Variants in IL33 observed in about 807,000 individuals in gnomAD.
IL33 encodes interleukin 33.
A neutral mutation model predicts 27.3 loss-of-function variants in IL33; 37 were observed. The observed-to-expected ratio is 1.36, with a 90% confidence interval of 1.04 to 1.78. IL33 has a LOEUF of 1.78. Ranked by LOEUF, IL33 falls within the 40% of genes most tolerant of loss-of-function variation. IL33 has a pLI of 0.00. For missense variants in IL33, 406 were observed against 311.4 expected (o/e 1.30, Z -2.29); for synonymous variants, 132 against 102.9 (o/e 1.28, Z -1.71).
At chr9:6,220,906 G>A (rs184682618) in intron 1 of IL33, among the ~76,000 whole-genome samples, 45 of 152,056 alleles carry the variant, frequency 3.0e-4, no homozygotes, top group African/African-American at 1.1e-3. Context: ...GCCATGTGCT[G>A]CCTCACCTGG....
intron 2 of IL33, among the ~76,000 whole-genome samples, chr9:6,245,610 A>T (rs73639586): frequency 0.054 from 8,195 of 152,214 alleles, 716 homozygotes; most frequent in African/African-American, 0.18. Context: ...AATCTAAGGG[A>T]CTAATGATGA....
chr9:6,216,187 G>A (rs1175437418), intron 1 of IL33, among the ~76,000 whole-genome samples: 2 of 152,140 alleles, frequency 1.3e-5, no homozygotes, highest in African/African-American at 4.8e-5. Context: ...CTGGAGCACA[G>A]TGGCGTGATC....
chr9:6,244,300 T>A (rs939490311), intron 2 of IL33, among the ~76,000 whole-genome samples: 2 of 152,194 alleles, frequency 1.3e-5, no homozygotes, highest in East Asian at 3.9e-4. Flanking sequence ...CCTTAACAGA[T>A]CTTTCTTTCC....
chr9:6,254,085 T>C (rs1454223227), intron 6 of IL33, among the ~76,000 whole-genome samples: 3 of 152,160 alleles, frequency 2.0e-5, no homozygotes, highest in Non-Finnish European at 4.4e-5. Context: ...AGAACTCAGT[T>C]GTATTACTAC....
At position 6,254,176 on chromosome 9, in the gene IL33, G is replaced by A. The variant is rs960146122; in HGVS notation, c.521-286G>A. Among the ~76,000 whole-genome samples, 4 of 152,242 alleles carry A rather than the reference G, an allele frequency of 2.6e-5. No individual in the cohort carries two copies. In the South Asian group the frequency reaches 8.3e-4, roughly 32 times the overall value. Reference sequence around the variant, plus strand: ...ATGAATATTGGGTGACACTATGAGTGGCTTTACATGCAGACAGGAAAGCTG... The same window carrying A: ...ATGAATATTGGGTGACACTATGAGTAGCTTTACATGCAGACAGGAAAGCTG... On this transcript the variant is annotated intron_variant, in intron 6 of 7. Transcript: ENST00000682010.
rs555959598 is a variant in IL33, at chr9:6,233,695, AAC to A, written c.-11-7987_-11-7986del. 3.3e-5 allele frequency among the ~76,000 whole-genome samples: 5 copies of A among 152,322 alleles called. No homozygotes were observed. In the South Asian group the frequency reaches 8.3e-4, roughly 25 times the overall value. On this transcript the variant is annotated intron_variant, in intron 1 of 7. Transcript: ENST00000682010. ...ATTATGAAATTATTATGGGTAATAT[AAC>A]AGTTATTATGAAAATTTTCATTATT...
At chr9:6,242,472 G>A (rs929753626) in intron 2 of IL33, 3 of 152,164 alleles carry the variant, frequency 2.0e-5, no homozygotes. Flanking sequence ...CATCAGCATT[G>A]TCTATTTCAG....
chr9:6,238,514 C>G (rs1258596732), intron 1 of IL33, among the ~76,000 whole-genome samples: 1 of 152,124 alleles, frequency 6.6e-6, no homozygotes, highest in Non-Finnish European at 1.5e-5. Flanking sequence ...TCTACCTAGA[C>G]AAGATCATCT....
At chr9:6,255,797 T>C (rs934673921) in intron 7 of IL33, among the ~76,000 whole-genome samples, 171 bp from the exon 8 acceptor site, 1 of 151,764 alleles carries the variant, frequency 6.6e-6, no homozygotes, top group African/African-American at 2.4e-5. Flanking sequence ...CCACTACCCC[T>C]CTGGCCCTCT....
intron 1 of IL33, among the ~76,000 whole-genome samples, chr9:6,231,738 C>G (rs1361259738): frequency 6.6e-6 from 1 of 152,176 alleles, no homozygotes; most frequent in Non-Finnish European, 1.5e-5. Flanking sequence ...AGGCAGCACT[C>G]CATGCTGTAG....
intron 2 of IL33, chr9:6,242,710 T>A (rs1819600681): frequency 6.6e-6 from 1 of 152,158 alleles, no homozygotes; most frequent in African/African-American, 2.4e-5. Flanking sequence ...AAAATAATAA[T>A]AAAAGCAAGA....
At chr9:6,245,346 A>ATGG (rs1158423250) in intron 2 of IL33, among the ~76,000 whole-genome samples, 1 of 152,268 alleles carries the variant, frequency 6.6e-6, no homozygotes, top group Non-Finnish European at 1.5e-5. Context: ...CATATCTTGC[A>ATGG]TGGCAATAGT....
At chr9:6,221,954 C>T (rs1193052488) in intron 1 of IL33, among the ~76,000 whole-genome samples, 1 of 152,110 alleles carries the variant, frequency 6.6e-6, no homozygotes, top group Non-Finnish European at 1.5e-5. Flanking sequence ...TAAGGCTGAG[C>T]CAACTAAGAA....
At chr9:6,249,377 T>A (rs1816198986) in intron 2 of IL33, among the ~76,000 whole-genome samples, 1 of 152,214 alleles carries the variant, frequency 6.6e-6, no homozygotes, top group African/African-American at 2.4e-5. Context: ...TAATTGAAAT[T>A]TGACTTCATT....
At chr9:6,218,635 AT>A (rs960381291) in intron 1 of IL33, among the ~76,000 whole-genome samples, 8 of 144,570 alleles carry the variant, frequency 5.5e-5, no homozygotes, top group Admixed American at 2.1e-4. Context: ...CTATATATAT[AT>A]TTTTTCTCCC....
At chr9:6,240,952 T>A (rs1246005436) in intron 1 of IL33, among the ~76,000 whole-genome samples, 2 of 152,160 alleles carry the variant, frequency 1.3e-5, no homozygotes, top group South Asian at 4.1e-4. Flanking sequence ...TTTTTAATTT[T>A]AATTTTTTAC....
intron 6 of IL33, 100 bp from the exon 7 acceptor site, chr9:6,254,362 T>C: frequency 1.5e-6 from 1 of 664,760 alleles, no homozygotes; most frequent in Non-Finnish European, 2.4e-6. Flanking sequence ...AGTAATTATT[T>C]TATGTAACAT....
intron 1 of IL33, among the ~76,000 whole-genome samples, chr9:6,219,131 G>A (rs1818306110): frequency 6.6e-6 from 1 of 151,346 alleles, no homozygotes; most frequent in South Asian, 2.1e-4. Context: ...GGAACATTTA[G>A]AAACATTAAG....
intron 1 of IL33, among the ~76,000 whole-genome samples, chr9:6,236,188 T>C (rs1819197780): frequency 1.3e-5 from 2 of 152,202 alleles, no homozygotes; most frequent in Non-Finnish European, 2.9e-5. Flanking sequence ...ATAATGTTAC[T>C]TGTAAAAGAA....
Sources: gnomAD v4.1 joint callset for allele counts (sites outside exome capture counted in the v4.1 genomes callset) on GRCh38, gnomAD v4.1.1 for gene constraint, MANE v1.5 for transcripts, NCBI Gene and HGNC (gene_info 2026-07-23, HGNC 2026-07-21) for gene names.